SLMAP: variants seen among roughly 807,000 people sequenced by gnomAD.
SLMAP encodes the protein sarcolemmal membrane-associated protein.
A neutral mutation model predicts 128.8 loss-of-function variants in SLMAP; 44 were observed. That is an observed-to-expected ratio of 0.34 (90% CI 0.27 to 0.44). SLMAP has a LOEUF of 0.44. SLMAP is among the 20% of genes least tolerant of loss of function. The pLI, the probability that SLMAP is intolerant of heterozygous loss-of-function variation, is 1.00. For missense variants in SLMAP, 787 were observed against 985.3 expected (o/e 0.80, Z 2.69); for synonymous variants, 327 against 348.8 (o/e 0.94, Z 0.70).
At chr3:57,764,772 G>GCT (rs2079344702) in intron 2 of SLMAP, among the ~76,000 whole-genome samples, 1 of 152,142 alleles carries the variant, frequency 6.6e-6, no homozygotes, top group African/African-American at 2.4e-5. Context: ...TTAAATGGTA[G>GCT]AATTGAGATT....
chr3:57,857,773 C>T lies in SLMAP; in HGVS notation c.560C>T (p.Ala187Val). The change falls in exon 7 of 25, where the codon GCC becomes GTC. Residue 187 changes from alanine to valine, a missense_variant. By Grantham distance (64) the Ala-to-Val change is moderately conservative. This residue lies in a region of SLMAP where 715 missense variants were observed against 843.6 expected (regional missense o/e 0.85). Transcript: ENST00000671191. ...HREQMLEQKL[A>V]TLQRLLAITQ... ...GAACAAATGTTGGAACAGAAGTTAGCCACGCTTCAGCGGCTACTAGCCATC... is the reference window on the plus strand; with the variant it reads ...GAACAAATGTTGGAACAGAAGTTAGTCACGCTTCAGCGGCTACTAGCCATC... The T allele has an allele frequency of 6.2e-7, 1 of 1,613,790 alleles. No homozygotes were observed. Among genetic ancestry groups the T allele is most frequent in the Non-Finnish European group, 8.5e-7 (1 of 1,179,702 alleles).
At chr3:57,764,951 G>A (rs1251655498) in intron 2 of SLMAP, among the ~76,000 whole-genome samples, 2 of 152,178 alleles carry the variant, frequency 1.3e-5, no homozygotes, top group Admixed American at 6.6e-5. Flanking sequence ...TTAGGACTTC[G>A]GCAAAGCGCA....
chr3:57,922,127 T>C lies in SLMAP; in HGVS notation c.2311-762T>C, dbSNP rs149976597. Among the ~76,000 whole-genome samples the C allele has an allele frequency of 2.0e-3, 302 of 152,328 alleles. 4 individuals carry two copies. In the Middle Eastern group the frequency reaches 0.031, roughly 15 times the overall value. On this transcript the variant is annotated intron_variant, in intron 22 of 24. Coordinates refer to ENST00000671191, the MANE Select transcript of SLMAP (RefSeq NM_001377540.1). Reference sequence around the variant, plus strand: ...TCCAGAACACTTTAATACCCAGTAATGCTGGGTAAAGGGAAACCTATTGGG... The same window carrying C: ...TCCAGAACACTTTAATACCCAGTAACGCTGGGTAAAGGGAAACCTATTGGG...
At chr3:57,797,631 G>T (rs2153485785) in intron 2 of SLMAP, among the ~76,000 whole-genome samples, 1 of 152,152 alleles carries the variant, frequency 6.6e-6, no homozygotes. Flanking sequence ...ATATTCTTCT[G>T]ATTTCAATAA....
chr3:57,924,278 C>T (rs2096963862), intron 23 of SLMAP, among the ~76,000 whole-genome samples: 1 of 152,112 alleles, frequency 6.6e-6, no homozygotes, highest in Non-Finnish European at 1.5e-5. Flanking sequence ...TAATAACACT[C>T]ATTGTAGCAG....
chr3:57,796,124 C>T (rs1041377944), intron 2 of SLMAP, among the ~76,000 whole-genome samples: 14 of 152,160 alleles, frequency 9.2e-5, no homozygotes, highest in African/African-American at 3.4e-4. Context: ...ATTTTGAGTA[C>T]TCTCTTACTT....
chr3:57,839,173 A>G (rs1435908471), intron 3 of SLMAP, among the ~76,000 whole-genome samples: 1 of 151,914 alleles, frequency 6.6e-6, no homozygotes, highest in East Asian at 1.9e-4. Context: ...AGCTGAACTC[A>G]AGTGATCCCC....
chr3:57,873,536 TAAAA>T (rs1560357929), intron 14 of SLMAP, among the ~76,000 whole-genome samples: 1 of 152,044 alleles, frequency 6.6e-6, no homozygotes, highest in Non-Finnish European at 1.5e-5. Context: ...AATAAATAAA[TAAAA>T]CTATTTATAA....
intron 17 of SLMAP, chr3:57,897,732 TGATAA>T (rs1298698815): frequency 5.3e-5 from 8 of 152,186 alleles, no homozygotes; most frequent in South Asian, 2.1e-4. Flanking sequence ...TTTTAGATGT[TGATAA>T]GATAAGTAAT....
chr3:57,864,030 C>G (rs551871829), intron 10 of SLMAP, among the ~76,000 whole-genome samples: 1 of 152,294 alleles, frequency 6.6e-6, no homozygotes, highest in East Asian at 1.9e-4. Flanking sequence ...CCAAGTTTCT[C>G]TCTCCTGGGT....
chr3:57,815,750 G>A (rs1303138905), intron 2 of SLMAP, among the ~76,000 whole-genome samples: 1 of 151,844 alleles, frequency 6.6e-6, no homozygotes, highest in South Asian at 2.1e-4. Flanking sequence ...GGGATTACAG[G>A]TCTGAGGCAC....
At chr3:57,844,623 GA>G (rs2094149402) in intron 4 of SLMAP, among the ~76,000 whole-genome samples, 1 of 151,294 alleles carries the variant, frequency 6.6e-6, no homozygotes, top group Admixed American at 6.6e-5. Context: ...TTATTAATGG[GA>G]TTGTTATGAG....
At chr3:57,829,219 A>C (rs544123824) in intron 2 of SLMAP, among the ~76,000 whole-genome samples, 7 of 152,278 alleles carry the variant, frequency 4.6e-5, no homozygotes, top group Non-Finnish European at 7.4e-5. Context: ...GTTTTTCAAC[A>C]GTGTTGTTAA....
intron 13 of SLMAP, among the ~76,000 whole-genome samples, chr3:57,869,657 T>C (rs1463679722): frequency 7.4e-6 from 1 of 135,516 alleles, no homozygotes; most frequent in African/African-American, 2.7e-5. Flanking sequence ...TATATATATA[T>C]ATAATATATA....
chr3:57,786,961 C>T (rs975072716), intron 2 of SLMAP, among the ~76,000 whole-genome samples: 11 of 152,058 alleles, frequency 7.2e-5, no homozygotes, highest in Admixed American at 5.2e-4. Context: ...TGATCTCGAT[C>T]GCCTGACCTT....
intron 10 of SLMAP, among the ~76,000 whole-genome samples, chr3:57,863,908 A>C (rs1278593006): frequency 6.6e-6 from 1 of 152,220 alleles, no homozygotes; most frequent in Non-Finnish European, 1.5e-5. Flanking sequence ...AGAACTTCAA[A>C]ATTGAAATGA....
intron 24 of SLMAP, 105 bp from the exon 25 acceptor site, chr3:57,927,191 T>C (rs1319801058): frequency 3.8e-6 from 2 of 528,756 alleles, no homozygotes; most frequent in Non-Finnish European, 6.4e-6. Context: ...ATAAGATTTT[T>C]CCAATATTCT....
At chr3:57,846,705 C>G (rs558835092) in intron 4 of SLMAP, among the ~76,000 whole-genome samples, 7 of 151,740 alleles carry the variant, frequency 4.6e-5, no homozygotes, top group Non-Finnish European at 1.0e-4. Context: ...TAATGGTGTG[C>G]GCCACCACGC....
At chr3:57,854,174 T>C (rs888944778) in intron 6 of SLMAP, among the ~76,000 whole-genome samples, 3 of 150,580 alleles carry the variant, frequency 2.0e-5, no homozygotes, top group Non-Finnish European at 2.9e-5. Context: ...CTTAATTACA[T>C]TGAACCAATA....
Sources: gnomAD v4.1 joint callset for allele counts (sites outside exome capture counted in the v4.1 genomes callset) on GRCh38, gnomAD v4.1.1 for gene constraint, gnomAD v4.1.1 regional missense constraint, MANE v1.5 for transcripts, NCBI Gene and HGNC (gene_info 2026-07-23, HGNC 2026-07-21) for gene names.